VCAN: variants seen among roughly 807,000 people sequenced by gnomAD.
VCAN encodes versican core protein.
VCAN carries 44 observed loss-of-function variants against 245.5 expected under a neutral mutation model. That is an observed-to-expected ratio of 0.18 (90% confidence interval 0.14 to 0.23). The LOEUF (loss-of-function observed/expected upper bound fraction) is 0.23. VCAN is among the 10% of genes least tolerant of loss of function. The probability of loss-of-function intolerance (pLI) is 1.00; values close to 1 mark genes in which losing one functional copy is unlikely to be tolerated. For synonymous variants in VCAN, 1,413 were observed against 1,437.0 expected, an observed-to-expected ratio of 0.98 and a Z score of 0.38; for missense variants, 3,793 against 4,057.9, an observed-to-expected ratio of 0.93 and a Z score of 1.77.
Position 83,522,030 on chromosome 5 carries a change from G to A in VCAN, c.3724G>A (p.Glu1242Lys), listed in dbSNP as rs754625706. ...ACCTCTCATCGACAGGGAACCTGGT[G>A]AAGAAACAACCAGTGACATGGTAAT... ...KPPLIDREPGEETTSDMVIIG... is the reference protein window; with the variant it reads ...KPPLIDREPGKETTSDMVIIG... Residue 1242 changes from glutamate to lysine, a missense_variant, in exon 7 of 15, where the codon GAA becomes AAA. By Grantham distance (56) the Glu-to-Lys change is moderately conservative. This residue lies in a region of VCAN where 3,182 missense variants were observed against 3,250.3 expected (regional missense o/e 0.98). Coordinates refer to ENST00000265077, the MANE Select transcript of VCAN (RefSeq NM_004385.5). The A allele has an allele frequency of 6.2e-7, 1 of 1,614,174 alleles. No homozygotes were observed. The highest frequency in any genetic ancestry group is 1.1e-5 in the South Asian group (1 of 91,078).
In VCAN at chr5:83,521,787, A is replaced by G; in HGVS notation, c.3481A>G (p.Ile1161Val). The change falls in exon 7 of 15, where the codon ATT becomes GTT. Residue 1161 changes from isoleucine to valine, a missense_variant. Ile to Val is a conservative substitution (Grantham distance 29). This residue lies in a region of VCAN where 3,182 missense variants were observed against 3,250.3 expected (regional missense o/e 0.98). Coordinates refer to ENST00000265077, the MANE Select transcript of VCAN (RefSeq NM_004385.5). Reference protein sequence around the residue: ...TSSLSPFSTHITQLMEETTTE... With the variant: ...TSSLSPFSTHVTQLMEETTTE... ...ATCTTTGAGTCCTTTTAGTACCCAC[A>G]TTACCCAGCTTATGGAAGAAACCAC... 4 of 1,614,214 alleles carry G rather than the reference A, an allele frequency of 2.5e-6. No homozygotes were observed. Among genetic ancestry groups the G allele is most frequent in the Non-Finnish European group, 3.4e-6 (4 of 1,180,024 alleles).
At chr5:83,472,541 A>G (rs1048760039) in intron 1 of VCAN, among the ~76,000 whole-genome samples, 1 of 152,086 alleles carries the variant, frequency 6.6e-6, no homozygotes, top group African/African-American at 2.4e-5. Flanking sequence ...GTTCCTGGAA[A>G]GCCACTCCCG....
rs749456848 is a variant in VCAN at position 83,541,336 on chromosome 5, C to A, written c.8333C>A (p.Pro2778His). 6.2e-7 allele frequency: 1 copy of A among 1,613,926 alleles called. No homozygotes were observed. The highest frequency in any genetic ancestry group is 1.3e-5 in the African/African-American group (1 of 74,900). ...GAGGAGGCATTAGTAGACCATACTC[C>A]CTATCTAAGTATTGCTACTACCCAC... is the stretch of plus-strand genomic sequence containing the variant. Reference protein sequence around the residue: ...GAEEALVDHTPYLSIATTHLM... With the variant: ...GAEEALVDHTHYLSIATTHLM... Residue 2778 changes from proline to histidine, a missense_variant, in exon 8 of 15, where the codon CCC (proline) becomes CAC (histidine). Physicochemically the swap from Pro to His is moderately conservative, Grantham distance 77. Coordinates refer to ENST00000265077, the MANE Select transcript of VCAN (RefSeq NM_004385.5).
At chr5:83,562,193 A>G (rs1415161778) in intron 12 of VCAN, 1 of 152,162 alleles carries the variant, frequency 6.6e-6, no homozygotes, top group Non-Finnish European at 1.5e-5. Context: ...TATTGTATTA[A>G]TCCAAAAGCC....
At chr5:83,475,918 A>T (rs981609864) in intron 1 of VCAN, among the ~76,000 whole-genome samples, 1 of 152,246 alleles carries the variant, frequency 6.6e-6, no homozygotes, top group African/African-American at 2.4e-5. Context: ...TTTCAAAAAA[A>T]CGAGGTTTGA....
In VCAN at chr5:83,512,013, C is replaced by T. The variant is rs892587418; in HGVS notation, c.749-90C>T. ...CCTTGCCATGAAAAAGTATTACATGCTCCTCCAATTCCTTCCCCACCATAT... is the reference window on the plus strand; with the variant it reads ...CCTTGCCATGAAAAAGTATTACATGTTCCTCCAATTCCTTCCCCACCATAT... On this transcript the variant is annotated intron_variant, in intron 5 of 14. Coordinates refer to ENST00000265077, the MANE Select transcript of VCAN (RefSeq NM_004385.5). 1.9e-5 allele frequency: 29 copies of T among 1,550,398 alleles called. No homozygotes were observed. The African/African-American group carries it at 3.3e-4, about 17-fold the overall frequency.
chr5:83,550,498 A>C (rs1051592259), intron 10 of VCAN, among the ~76,000 whole-genome samples: 22 of 152,230 alleles, frequency 1.4e-4, no homozygotes, highest in African/African-American at 5.1e-4. Flanking sequence ...CAAATAGACT[A>C]TTTCTATGAA....
chr5:83,561,722 C>G (rs747889281), intron 12 of VCAN, among the ~76,000 whole-genome samples: 7 of 152,146 alleles, frequency 4.6e-5, no homozygotes, highest in Admixed American at 1.3e-4. Context: ...AAAGAAATAG[C>G]CCTTACCCAG....
chr5:83,516,475 G>T (rs1476067373), intron 6 of VCAN, among the ~76,000 whole-genome samples: 2 of 152,182 alleles, frequency 1.3e-5, no homozygotes, highest in African/African-American at 2.4e-5. Flanking sequence ...TGCTAATGGG[G>T]GTTTTAAGTT....
rs1403279933 is a variant in VCAN, at chr5:83,539,755, T to A, written c.6752T>A (p.Leu2251His). Residue 2251 changes from leucine to histidine, a missense_variant, in exon 8 of 15, where the codon CTC (leucine) becomes CAC (histidine). Physicochemically the swap from Leu to His is moderately conservative, Grantham distance 99. Transcript: ENST00000265077. ...RPTIQESDTE[L>H]LFSGLGSGEE... ...ACAATTCAAGAGTCAGATACTGAGC[T>A]CTTATTCTCTGGACTGGGATCAGGA... 11 of 1,613,844 alleles carry A rather than the reference T, an allele frequency of 6.8e-6. No individual in the cohort carries two copies. The highest frequency in any genetic ancestry group is 7.6e-6 in the Non-Finnish European group (9 of 1,180,002).
At chr5:83,535,408 G>A (rs1746667013) in intron 7 of VCAN, among the ~76,000 whole-genome samples, 1 of 151,938 alleles carries the variant, frequency 6.6e-6, no homozygotes, top group South Asian at 2.1e-4. Flanking sequence ...TTTCTTTCTT[G>A]TTTCTATTAG....
intron 3 of VCAN, 26 bp downstream of exon 3, chr5:83,490,498 G>A (rs1744947133): frequency 6.2e-7 from 1 of 1,612,626 alleles, no homozygotes; most frequent in Admixed American, 1.7e-5. Context: ...TCTGCAAGAA[G>A]GTAGTATAAC....
At chr5:83,509,597 G>C (rs939334011) in intron 5 of VCAN, among the ~76,000 whole-genome samples, 3 of 152,186 alleles carry the variant, frequency 2.0e-5, no homozygotes, top group African/African-American at 7.2e-5. Flanking sequence ...TAAGAGGAAT[G>C]GTAGTTTCGC....
At chr5:83,513,120 C>T (rs1172494322) in intron 6 of VCAN, among the ~76,000 whole-genome samples, 1 of 151,942 alleles carries the variant, frequency 6.6e-6, no homozygotes, top group Non-Finnish European at 1.5e-5. Flanking sequence ...GTAATTTTAG[C>T]AGTAGTAGTC....
Position 83,541,626 on chromosome 5 carries a change from A to G in VCAN, c.8623A>G (p.Thr2875Ala), listed in dbSNP as rs564945051. 2.5e-6 allele frequency: 4 copies of G among 1,613,862 alleles called. No homozygotes were observed. In the South Asian group the frequency reaches 3.3e-5, roughly 13 times the overall value. The change falls in exon 8 of 15, where the codon ACT becomes GCT. Residue 2875 changes from threonine to alanine, a missense_variant. Thr to Ala is a moderately conservative substitution (Grantham distance 58). Transcript: ENST00000265077. The stretch of plus-strand genomic sequence containing the variant: ...GGAAATTCATGTAAATATTGAAGCG[A>G]CTTTCAAACCATCAAGTGAGGAATA... Reference protein sequence around the residue: ...FKEIHVNIEATFKPSSEEYLH... With the variant: ...FKEIHVNIEAAFKPSSEEYLH...
In VCAN at chr5:83,580,014, C is replaced by A. The variant is rs942772999; in HGVS notation, c.9915C>A (p.Ala3305=). The part of the protein sequence containing the change: ...ACGQPPVVEN[A]KTFGKMKPRY... The stretch of plus-strand genomic sequence containing the variant: ...GCCAGCCCCCTGTTGTAGAAAATGC[C>A]AAGACCTTTGGAAAGATGAAACCTC... Residue 3305 remains alanine (A), a synonymous_variant, in exon 14 of 15, where the codon GCC becomes GCA. Transcript: ENST00000265077. 6.2e-7 allele frequency: 1 copy of A among 1,614,064 alleles called. No homozygotes were observed. Among genetic ancestry groups the A allele is most frequent in the Non-Finnish European group, 8.5e-7 (1 of 1,179,978 alleles).
At position 83,538,803 on chromosome 5, in the gene VCAN, T is replaced by A. The variant is rs375646354; in HGVS notation, c.5800T>A (p.Phe1934Ile). 6.2e-6 allele frequency: 10 copies of A among 1,613,816 alleles called. No individual in the cohort carries two copies. Among genetic ancestry groups the A allele is most frequent in the Non-Finnish European group, 1.7e-6 (2 of 1,179,952 alleles). Residue 1934 changes from phenylalanine to isoleucine, a missense_variant, in exon 8 of 15, where the codon TTC becomes ATC. Around this residue, in one of 5 missense-constraint regions of VCAN, gnomAD observed 3,182 missense variants for 3,250.3 expected, o/e 0.98. Transcript: ENST00000265077. ...FSTGFPLEED[F>I]SGDFREYSTV... The stretch of plus-strand genomic sequence containing the variant: ...CACAGGTTTTCCTTTGGAGGAAGAT[T>A]TCAGTGGTGACTTTAGAGAATACTC...
chr5:83,519,499 T>A lies in VCAN; in HGVS notation c.1193T>A (p.Val398Glu). ...LPVIPTEFPP[V>E]GNIVSFEQKA... ...GTCATTCCAACAGAGTTCCCTCCCGTGGGAAATATTGTCAGTTTTGAACAG... is the reference window on the plus strand; with the variant it reads ...GTCATTCCAACAGAGTTCCCTCCCGAGGGAAATATTGTCAGTTTTGAACAG... Residue 398 changes from valine (V) to glutamate (E), a missense_variant, in exon 7 of 15, where the codon GTG (valine) becomes GAG (glutamate). Physicochemically the swap from Val to Glu is moderately radical, Grantham distance 121 (BLOSUM62 -2). This residue lies in a region of VCAN where 3,182 missense variants were observed against 3,250.3 expected (regional missense o/e 0.98). Transcript: ENST00000265077. The A allele has an allele frequency of 6.2e-7, 1 of 1,614,138 alleles. No homozygotes were observed. Among genetic ancestry groups the A allele is most frequent in the Non-Finnish European group, 8.5e-7 (1 of 1,179,972 alleles).
chr5:83,474,807 C>T (rs1744327557), intron 1 of VCAN, among the ~76,000 whole-genome samples: 1 of 152,214 alleles, frequency 6.6e-6, no homozygotes, highest in South Asian at 2.1e-4. Flanking sequence ...ACCCGAGTTC[C>T]ATCCAGACAG....
Sources: gnomAD v4.1 joint callset for allele counts (sites outside exome capture counted in the v4.1 genomes callset) on GRCh38, gnomAD v4.1.1 for gene constraint, gnomAD v4.1.1 regional missense constraint, MANE v1.5 for transcripts, NCBI Gene and HGNC (gene_info 2026-07-23, HGNC 2026-07-21) for gene names.